CYP26B1: variants seen among roughly 807,000 people sequenced by gnomAD.
The protein encoded by CYP26B1 is cytochrome P450 family 26 subfamily B member 1, also known as cytochrome P450 26B1.
CYP26B1 carries 8 observed loss-of-function variants against 39.1 expected under a neutral mutation model. That is an observed-to-expected ratio of 0.20 (90% CI 0.12 to 0.37). CYP26B1 has a LOEUF of 0.37. Ranked by LOEUF, CYP26B1 falls within the 10% of genes least tolerant of loss-of-function variation. CYP26B1 has a pLI of 1.00. For synonymous variants in CYP26B1, 321 were observed against 314.3 expected (o/e 1.02, Z -0.23); for missense variants, 615 against 707.0 (o/e 0.87, Z 1.48).
At chr2:72,145,498 C>T (rs964445687) in intron 1 of CYP26B1, among the ~76,000 whole-genome samples, 19 of 152,178 alleles carry the variant, frequency 1.2e-4, no homozygotes, top group Non-Finnish European at 2.4e-4. Context: ...TTCTAGACGG[C>T]GTCTACCCCT....
At chr2:72,139,823 C>A (rs1676886604) in intron 2 of CYP26B1, among the ~76,000 whole-genome samples, 1 of 152,246 alleles carries the variant, frequency 6.6e-6, no homozygotes, top group East Asian at 1.9e-4. Context: ...GAACTCCCTG[C>A]CTCCCACCAC....
chr2:72,147,366 A>T lies in CYP26B1; in HGVS notation c.204+265T>A, dbSNP rs1677150518. Among the ~76,000 whole-genome samples the T allele has an allele frequency of 1.3e-5, 2 of 152,098 alleles. No individual in the cohort carries two copies. The highest frequency in any genetic ancestry group is 1.3e-4 in the Admixed American group (2 of 15,300). ...CCCCCTGCCAGGCCAGCCGCGACCCAGGCAAGTCCATCTTGGGAGCCCCCT... is the reference window on the plus strand; with the variant it reads ...CCCCCTGCCAGGCCAGCCGCGACCCTGGCAAGTCCATCTTGGGAGCCCCCT... On this transcript the variant is annotated intron_variant, in intron 1 of 5. Coordinates refer to ENST00000001146, the MANE Select transcript of CYP26B1 (RefSeq NM_019885.4). The surrounding 1 kb of genome is among the most constrained non-coding windows in gnomAD (Gnocchi z 6.1).
Position 72,132,432 on chromosome 2 carries a change from T to A in CYP26B1, c.1334A>T (p.His445Leu). Reference sequence around the variant, plus strand: ...CACCTTCAGGAACAGCTTGGCCAGGTGCTTGCCCAGGCAGGTCCGGACACC... The same window carrying A: ...CACCTTCAGGAACAGCTTGGCCAGGAGCTTGCCCAGGCAGGTCCGGACACC... ...GGGVRTCLGK[H>L]LAKLFLKVLA... is the part of the protein sequence containing the mutation. The change falls in exon 6 of 6, where the codon CAC (histidine) becomes CTC (leucine). Residue 445 changes from histidine (H) to leucine (L), a missense_variant. Transcript: ENST00000001146. 3 of 1,613,096 alleles carry A rather than the reference T, an allele frequency of 1.9e-6. No homozygotes were observed. The highest frequency in any genetic ancestry group is 2.5e-6 in the Non-Finnish European group (3 of 1,179,506).
At chr2:72,146,161 G>C (rs867637278) in intron 1 of CYP26B1, among the ~76,000 whole-genome samples, 8 of 152,196 alleles carry the variant, frequency 5.3e-5, no homozygotes, top group African/African-American at 1.7e-4. Flanking sequence ...ATGGGGACCT[G>C]AGGGGGGGCA....
At chr2:72,144,952 C>G (rs368524118) in intron 1 of CYP26B1, among the ~76,000 whole-genome samples, 1 of 152,150 alleles carries the variant, frequency 6.6e-6, no homozygotes. Flanking sequence ...CGGGGCCGGC[C>G]GGACTCTCGA....
chr2:72,143,090 G>T (rs1676991609), intron 2 of CYP26B1: 1 of 167,036 alleles, frequency 6.0e-6, no homozygotes, highest in Non-Finnish European at 1.5e-5. Context: ...AGGGACGGGG[G>T]GCTGCCTCTC....
intron 2 of CYP26B1, among the ~76,000 whole-genome samples, chr2:72,136,794 A>G (rs1177934478): frequency 2.0e-5 from 3 of 151,958 alleles, no homozygotes; most frequent in Non-Finnish European, 2.9e-5. Context: ...TCAACCCCCA[A>G]CCCTCATGTC....
chr2:72,146,712 T>A (rs949364300), intron 1 of CYP26B1, among the ~76,000 whole-genome samples: 5 of 152,034 alleles, frequency 3.3e-5, no homozygotes, highest in Non-Finnish European at 7.4e-5. Context: ...CAAATACACC[T>A]CCCGCAGTTA....
At chr2:72,138,145 G>A (rs1363706482) in intron 2 of CYP26B1, among the ~76,000 whole-genome samples, 1 of 152,160 alleles carries the variant, frequency 6.6e-6, no homozygotes, top group African/African-American at 2.4e-5. Context: ...AAGGGGCTGG[G>A]CTCAGAGGTC....
In CYP26B1 at chr2:72,134,749, C is replaced by A. The variant is rs753142257; in HGVS notation, c.861+12G>T. 5.6e-6 allele frequency: 9 copies of A among 1,609,528 alleles called. No individual in the cohort carries two copies. The highest frequency in any genetic ancestry group is 7.6e-6 in the Non-Finnish European group (9 of 1,177,820). On this transcript the variant is annotated intron_variant, in intron 4 of 5. Transcript: ENST00000001146. The stretch of plus-strand genomic sequence containing the variant: ...GCTGGTGCTGCCCGTGAGGGGCACA[C>A]GCCCACCCCACCTTCAGCTCCTGCA...
rs561720832 is a variant in CYP26B1 at position 72,135,467 on chromosome 2, C to T, written c.430-48G>A. ...GGTGAGCCGATTGGCACAGCCCACC[C>T]CTGGCCAGCCCCTCACTCTGCCTGA... On this transcript the variant is annotated intron_variant, in intron 2 of 5. Coordinates refer to ENST00000001146, the MANE Select transcript of CYP26B1 (RefSeq NM_019885.4). 28 of 1,599,138 alleles carry T rather than the reference C, an allele frequency of 1.8e-5. No individual in the cohort carries two copies. In the South Asian group the frequency reaches 3.1e-4, roughly 18 times the overall value.
At chr2:72,143,664 C>T (rs886296385) in intron 2 of CYP26B1, among the ~76,000 whole-genome samples, 5 of 152,276 alleles carry the variant, frequency 3.3e-5, no homozygotes, top group Non-Finnish European at 7.3e-5. Flanking sequence ...CGCCGGCCAA[C>T]TGTCCCGCCC....
At chr2:72,134,319 G>C (rs1427006513) in intron 4 of CYP26B1, among the ~76,000 whole-genome samples, 5 of 151,616 alleles carry the variant, frequency 3.3e-5, no homozygotes, top group South Asian at 4.2e-4. Flanking sequence ...TAGGGGGCGG[G>C]GGGGAGGGTG....
rs191375926 is a variant in CYP26B1, at chr2:72,133,322, G to C, written c.862-15C>G. 6.3e-7 allele frequency: 1 copy of C among 1,598,034 alleles called. No homozygotes were observed. Among genetic ancestry groups the C allele is most frequent in the Non-Finnish European group, 8.5e-7 (1 of 1,178,536 alleles). On this transcript the variant is annotated splice_polypyrimidine_tract_variant and intron_variant, in intron 4 of 5. Coordinates refer to ENST00000001146, the MANE Select transcript of CYP26B1 (RefSeq NM_019885.4). ...AGGGTCCCGTCCTGCAGGGCACAGA[G>C]GAGAGGTGTTGTTGGAGGTGTGGGT...
rs182538804 is a variant in CYP26B1, at chr2:72,129,284, G to A, written c.*2943C>T. The A allele has an allele frequency of 2.6e-5, 4 of 152,420 alleles. No individual in the cohort carries two copies. The allele number at this position is 152,420 out of a possible 1,614,324, so 9.4% of individuals were successfully genotyped here. A position where few individuals can be genotyped will look rare whatever the true frequency, so the allele number is the denominator to read the frequency against. ...TAGAAGCCTATAGAAGAGCCACATT[G>A]AGTATTTCCAAAATCACAAAATGCA... On this transcript the variant is annotated 3_prime_UTR_variant, in exon 6 of 6. Coordinates refer to ENST00000001146, the MANE Select transcript of CYP26B1 (RefSeq NM_019885.4).
chr2:72,144,030 C>A lies in CYP26B1; in HGVS notation c.388G>T (p.Val130Leu). ...STRMLLGPNT[V>L]SNSIGDIHRN... The stretch of plus-strand genomic sequence containing the variant: ...TGGATGTCGCCAATGGAATTGGACA[C>A]CGTGTTGGGGCCCAGCAACATGCGG... Residue 130 changes from valine to leucine, a missense_variant, in exon 2 of 6, where the codon GTG becomes TTG. Coordinates refer to ENST00000001146, the MANE Select transcript of CYP26B1 (RefSeq NM_019885.4). 6.2e-7 allele frequency: 1 copy of A among 1,613,826 alleles called. No individual in the cohort carries two copies. Among genetic ancestry groups the A allele is most frequent in the South Asian group, 1.1e-5 (1 of 91,084 alleles).
intron 1 of CYP26B1, among the ~76,000 whole-genome samples, chr2:72,145,295 C>A (rs1211998286): frequency 2.0e-5 from 3 of 152,200 alleles, no homozygotes; most frequent in Non-Finnish European, 4.4e-5. Flanking sequence ...AATGTGCACA[C>A]ACGCCAGTAC....
chr2:72,135,095 G>T, intron 3 of CYP26B1, 49 bp downstream of exon 3: 4 of 1,610,494 alleles, frequency 2.5e-6, no homozygotes, highest in Non-Finnish European at 3.4e-6. Flanking sequence ...CCCAGAGAGG[G>T]GGCTCATGGA....
chr2:72,143,557 C>T (rs987632060), intron 2 of CYP26B1, among the ~76,000 whole-genome samples: 1 of 152,254 alleles, frequency 6.6e-6, no homozygotes, highest in Non-Finnish European at 1.5e-5. Flanking sequence ...GCCCGCGACT[C>T]CCTTCAAGCA....
Sources: gnomAD v4.1 joint callset for allele counts (sites outside exome capture counted in the v4.1 genomes callset) on GRCh38, gnomAD v4.1.1 for gene constraint, Gnocchi (gnomAD v3.1) non-coding constraint, MANE v1.5 for transcripts, NCBI Gene and HGNC (gene_info 2026-07-23, HGNC 2026-07-21) for gene names.